Variants in WWOX observed in about 807,000 individuals in gnomAD.
The protein encoded by WWOX is WW domain containing oxidoreductase.
In WWOX, 69 loss-of-function variants were observed where a neutral mutation model predicts 46.2. That is an observed-to-expected ratio of 1.49 (90% CI 1.23 to 1.82). The LOEUF (loss-of-function observed/expected upper bound fraction) is 1.82. Ranked by LOEUF, WWOX falls within the 40% of genes most tolerant of loss-of-function variation. WWOX has a pLI of 0.00. For synonymous variants in WWOX, 359 were observed against 202.6 expected (o/e 1.77, Z -6.56); for missense variants, 919 against 542.6 (o/e 1.69, Z -6.89).
chr16:78,967,173 A>G (rs1262018205), intron 8 of WWOX, among the ~76,000 whole-genome samples: 1 of 151,998 alleles, frequency 6.6e-6, no homozygotes, highest in Non-Finnish European at 1.5e-5. Context: ...GAAGCCCATC[A>G]GCCCTGAGAG....
At chr16:78,887,080 GTGTGTGTGTGTGTGTGTGTGTGTGTGTGT>G (rs2044476849) in intron 8 of WWOX, among the ~76,000 whole-genome samples, 15 of 122,552 alleles carry the variant, frequency 1.2e-4, no homozygotes, top group East Asian at 7.4e-4. Flanking sequence ...TGTGTGTGGT[GTGTGTGTGTGTGTGTGTGTGTGTGTGTGT>G]GTGTGTGTGT....
chr16:78,788,925 A>C (rs920257189), intron 8 of WWOX, among the ~76,000 whole-genome samples: 8 of 152,176 alleles, frequency 5.3e-5, no homozygotes, highest in Admixed American at 1.3e-4. Context: ...TATGTGGGGA[A>C]AGTTGAGTTG....
chr16:78,689,438 G>C (rs115803803), intron 8 of WWOX, among the ~76,000 whole-genome samples: 27 of 152,272 alleles, frequency 1.8e-4, no homozygotes, highest in African/African-American at 6.5e-4. Flanking sequence ...AAGAATCCTT[G>C]ACCAAACTTT....
At chr16:78,765,151 C>G (rs1225549437) in intron 8 of WWOX, among the ~76,000 whole-genome samples, 4 of 152,152 alleles carry the variant, frequency 2.6e-5, no homozygotes, top group Non-Finnish European at 5.9e-5. Context: ...TGCTGCAGAT[C>G]ACAGTGGCCC....
At chr16:79,082,710 C>T (rs566309096) in intron 8 of WWOX, among the ~76,000 whole-genome samples, 2 of 152,140 alleles carry the variant, frequency 1.3e-5, no homozygotes, top group African/African-American at 2.4e-5. Context: ...TGTGCAGTTC[C>T]CAGGGCAGGT....
At chr16:78,101,128 G>A (rs12933904) in intron 1 of WWOX, among the ~76,000 whole-genome samples, 123,123 of 150,190 alleles carry the variant, frequency 0.82, 50,567 homozygotes, top group Admixed American at 0.86. Context: ...GCTCACTGCA[G>A]CCTCCGCCTC....
At chr16:78,392,122 A>G (rs1394114620) in intron 6 of WWOX, among the ~76,000 whole-genome samples, 1 of 151,938 alleles carries the variant, frequency 6.6e-6, no homozygotes, top group Non-Finnish European at 1.5e-5. Flanking sequence ...CCTGTTATAA[A>G]TTGGGTGGCA....
Position 78,540,281 on chromosome 16 carries a change from T to C in WWOX, c.1056+107529T>C, listed in dbSNP as rs146301482. 2.3e-3 allele frequency among the ~76,000 whole-genome samples: 355 copies of C among 152,160 alleles called. 3 individuals carry two copies. Among genetic ancestry groups the C allele is most frequent in the African/African-American group, 8.1e-3 (335 of 41,500 alleles). ...GAATCAAGAACCCAGGTGCTTTTTA[T>C]AGGTTAATTGTGCAGGGTTATCATG... On this transcript the variant is annotated intron_variant, in intron 8 of 8. Coordinates refer to ENST00000566780, the MANE Select transcript of WWOX (RefSeq NM_016373.4).
intron 8 of WWOX, among the ~76,000 whole-genome samples, chr16:79,100,854 A>T (rs1260121120): frequency 1.3e-5 from 2 of 151,954 alleles, no homozygotes; most frequent in African/African-American, 4.8e-5. Context: ...AGCAGAGGGC[A>T]GTGGAATGTA....
intron 8 of WWOX, among the ~76,000 whole-genome samples, chr16:78,887,088 GT>G (rs1555559578): frequency 6.1e-5 from 1 of 16,490 alleles, no homozygotes. Context: ...GTGTGTGTGT[GT>G]GTGTGTGTGT....
In WWOX at chr16:78,144,446, T is replaced by TATATATATATATATATATAC. The variant is rs1326231878; in HGVS notation, c.410-19736_410-19735insTATATATATATATATATACA. On this transcript the variant is annotated intron_variant, in intron 4 of 8. Transcript: ENST00000566780. The stretch of plus-strand genomic sequence containing the variant: ...TGCCATTACTATATATATATATATA[T>TATATATATATATATATATAC]ACACATATATATATATACACACATA... 4.0e-4 allele frequency among the ~76,000 whole-genome samples: 4 copies of TATATATATATATATATATAC among 9,964 alleles called. 1 individual carries two copies. Among genetic ancestry groups the TATATATATATATATATATAC allele is most frequent in the South Asian group, 8.7e-3 (2 of 230 alleles). The allele number at this position is 9,964 out of a possible 152,430, so 6.5% of individuals were successfully genotyped here.
intron 8 of WWOX, among the ~76,000 whole-genome samples, chr16:78,739,844 G>C (rs577224787): frequency 4.0e-4 from 61 of 152,188 alleles, no homozygotes; most frequent in African/African-American, 1.3e-3. Flanking sequence ...AAAAACCCCA[G>C]ATATTCCTTA....
At chr16:78,491,035 T>C (rs2084773030) in intron 8 of WWOX, among the ~76,000 whole-genome samples, 2 of 152,206 alleles carry the variant, frequency 1.3e-5, no homozygotes, top group Non-Finnish European at 2.9e-5. Context: ...GCCAACTTCA[T>C]GCTTCAGCCA....
At chr16:78,957,719 TAGG>T (rs1384154281) in intron 8 of WWOX, among the ~76,000 whole-genome samples, 1 of 152,204 alleles carries the variant, frequency 6.6e-6, no homozygotes, top group East Asian at 1.9e-4. Flanking sequence ...ACCTCTCCGT[TAGG>T]AGAAGAACTT....
chr16:78,950,083 C>G (rs899840535), intron 8 of WWOX, among the ~76,000 whole-genome samples: 8 of 152,166 alleles, frequency 5.3e-5, no homozygotes, highest in Non-Finnish European at 1.0e-4. Flanking sequence ...ATACCAGAGA[C>G]CAAGTTCTCA....
At chr16:78,426,977 T>A (rs1483375037) in intron 7 of WWOX, among the ~76,000 whole-genome samples, 1 of 152,168 alleles carries the variant, frequency 6.6e-6, no homozygotes, top group Admixed American at 6.5e-5. Flanking sequence ...GCACATTATT[T>A]AAGGGTGTTT....
intron 8 of WWOX, among the ~76,000 whole-genome samples, chr16:79,036,230 C>G (rs1050930879): frequency 1.4e-4 from 21 of 152,336 alleles, no homozygotes; most frequent in African/African-American, 5.0e-4. Flanking sequence ...GCTTTCTCCC[C>G]ACTCTGTCAA....
At chr16:78,924,784 C>G (rs771525793) in intron 8 of WWOX, among the ~76,000 whole-genome samples, 1 of 152,058 alleles carries the variant, frequency 6.6e-6, no homozygotes, top group African/African-American at 2.4e-5. Flanking sequence ...TCTGTAATAC[C>G]TTATAGACAT....
At chr16:78,923,922 C>T (rs1055490503) in intron 8 of WWOX, among the ~76,000 whole-genome samples, 2 of 151,078 alleles carry the variant, frequency 1.3e-5, no homozygotes, top group African/African-American at 4.9e-5. Flanking sequence ...GCCTCAGCCT[C>T]CCGAGCAGCT....
Sources: allele counts gnomAD v4.1 joint callset (sites outside exome capture counted in the v4.1 genomes callset), GRCh38; gene constraint gnomAD v4.1.1; transcripts MANE v1.5; gene names NCBI Gene and HGNC (gene_info 2026-07-23, HGNC 2026-07-21).